Variants in C4orf50 observed in about 807,000 individuals in gnomAD.
C4orf50 encodes chromosome 4 open reading frame 50.
In C4orf50, 80 loss-of-function variants were observed where a neutral mutation model predicts 77.2. The ratio of observed to expected loss-of-function variants is 1.04; its 90% CI spans 0.87 to 1.25. The LOEUF is 1.25. Ranked by LOEUF, C4orf50 falls within the 50% of genes most tolerant of loss-of-function variation. C4orf50 has a pLI of 0.00. For synonymous variants in C4orf50, 532 were observed against 465.3 expected (o/e 1.14, Z -1.84); for missense variants, 1,257 against 1,152.9 (o/e 1.09, Z -1.31).
intron 32 of C4orf50, among the ~76,000 whole-genome samples, chr4:5,966,560 T>G (rs1370176082): frequency 6.6e-6 from 1 of 151,278 alleles, no homozygotes; most frequent in African/African-American, 2.4e-5. Context: ...CCACGGCAAA[T>G]GTTTTAGGTG....
intron 25 of C4orf50, among the ~76,000 whole-genome samples, chr4:6,005,243 G>T (rs1577994636): frequency 6.6e-6 from 1 of 152,204 alleles, no homozygotes; most frequent in South Asian, 2.1e-4. Flanking sequence ...GAGAGACCGA[G>T]GCAGAAGTGG....
chr4:6,012,356 CAT>C (rs1722527094), intron 23 of C4orf50, among the ~76,000 whole-genome samples: 2 of 152,244 alleles, frequency 1.3e-5, no homozygotes, highest in Middle Eastern at 3.4e-3. Context: ...TTACTTCACA[CAT>C]GAGGAAATAG....
At chr4:5,979,482 A>T (rs1720453824) in intron 29 of C4orf50, among the ~76,000 whole-genome samples, 2 of 152,254 alleles carry the variant, frequency 1.3e-5, no homozygotes, top group South Asian at 4.1e-4. Context: ...ACACATACAC[A>T]CACATTCAGA....
At chr4:5,967,924 G>A (rs994313710) in intron 31 of C4orf50, among the ~76,000 whole-genome samples, 11 of 152,220 alleles carry the variant, frequency 7.2e-5, no homozygotes, top group African/African-American at 1.9e-4. Flanking sequence ...GGGCAGGTGA[G>A]AAGTGAGATG....
intron 7 of C4orf50, among the ~76,000 whole-genome samples, chr4:5,913,998 G>A (rs1000410754): frequency 6.6e-6 from 1 of 152,064 alleles, no homozygotes; most frequent in Non-Finnish European, 1.5e-5. Context: ...AATAACAAGG[G>A]TTGAGAAAGG....
intron 33 of C4orf50, among the ~76,000 whole-genome samples, chr4:5,959,913 C>T (rs1719181689): frequency 6.6e-6 from 1 of 152,100 alleles, no homozygotes; most frequent in South Asian, 2.1e-4. Context: ...CAGTCATGAG[C>T]GGGCGTTCCT....
At chr4:5,956,203 A>G (rs1199559068), downstream of C4orf50, among the ~76,000 whole-genome samples, 1 of 152,192 alleles carries the variant, frequency 6.6e-6, no homozygotes, top group Non-Finnish European at 1.5e-5. Context: ...ACAGAAAGCC[A>G]GGTATCTCTA....
chr4:5,918,985 G>A (rs536730421), intron 7 of C4orf50, among the ~76,000 whole-genome samples: 1 of 152,080 alleles, frequency 6.6e-6, no homozygotes, highest in East Asian at 1.9e-4. Context: ...GCATTCCTCT[G>A]CACAGATGGG....
At chr4:5,931,532 G>A (rs1451032662) in intron 7 of C4orf50, among the ~76,000 whole-genome samples, 1 of 152,140 alleles carries the variant, frequency 6.6e-6, no homozygotes, top group African/African-American at 2.4e-5. Context: ...CAGCCCTGGC[G>A]AGGCTGAGCT....
intron 25 of C4orf50, among the ~76,000 whole-genome samples, chr4:6,002,321 T>G (rs982000663): frequency 1.1e-4 from 17 of 152,130 alleles, no homozygotes; most frequent in African/African-American, 3.9e-4. Flanking sequence ...CCCTAGAGCC[T>G]CAGGAGGAAG....
intron 31 of C4orf50, among the ~76,000 whole-genome samples, chr4:5,969,571 C>A (rs765720921): frequency 3.3e-5 from 5 of 151,976 alleles, no homozygotes; most frequent in Non-Finnish European, 7.4e-5. Context: ...AGGCCCCTGG[C>A]TGCTCCCAGG....
Position 5,900,931 on chromosome 4 carries a change from G to A in C4orf50, c.*2475-2743C>T, listed in dbSNP as rs116570047. 1.1e-3 allele frequency: 172 copies of A among 152,358 alleles called. No homozygotes were observed. The highest frequency in any genetic ancestry group is 3.8e-3 in the African/African-American group (160 of 41,582). 9.4% of individuals were successfully genotyped at this position (152,358 alleles called of 1,614,324 possible). ...ACACAGCCCATGTGTGTCACCCTCT[G>A]TATGTCACCATGTGTGTCACCATTT... On this transcript the variant is annotated intron_variant, in intron 7 of 7. Transcript: ENST00000324058. The surrounding 1 kb of genome is among the most constrained non-coding windows in gnomAD (Gnocchi z 4.3).
intron 33 of C4orf50, among the ~76,000 whole-genome samples, chr4:5,963,148 A>G (rs28737306): frequency 0.67 from 101,264 of 151,514 alleles, 34,620 homozygotes; most frequent in African/African-American, 0.74. Flanking sequence ...ACAGGCATGT[A>G]CCACCATACC....
At chr4:5,975,139 C>CAAAAAAAAAAAAAAAAAA (rs763836859) in intron 30 of C4orf50, among the ~76,000 whole-genome samples, 2 of 82,830 alleles carry the variant, frequency 2.4e-5, no homozygotes, top group Non-Finnish European at 4.8e-5. Context: ...CACTCCATCT[C>CAAAAAAAAAAAAAAAAAA]AAAAAAAAAA....
intron 7 of C4orf50, among the ~76,000 whole-genome samples, chr4:5,925,683 ACAGAAATGCC>A (rs1717483871): frequency 6.6e-6 from 1 of 152,254 alleles, no homozygotes; most frequent in Non-Finnish European, 1.5e-5. Context: ...CCCTGTGGTC[ACAGAAATGCC>A]CAGACATGGC....
intron 29 of C4orf50, among the ~76,000 whole-genome samples, chr4:5,976,696 AG>A (rs752551829): frequency 5.9e-5 from 9 of 152,360 alleles, no homozygotes; most frequent in Non-Finnish European, 1.2e-4. Flanking sequence ...GGGGGCTCAT[AG>A]GAGTGCCCAC....
At chr4:5,930,419 G>T (rs968654068) in intron 7 of C4orf50, among the ~76,000 whole-genome samples, 1 of 152,114 alleles carries the variant, frequency 6.6e-6, no homozygotes, top group Non-Finnish European at 1.5e-5. Flanking sequence ...CTACCTTCTG[G>T]TATTTGCTCA....
chr4:5,936,657 A>G (rs1185714766), intron 7 of C4orf50, among the ~76,000 whole-genome samples: 2 of 56,430 alleles, frequency 3.5e-5, no homozygotes, highest in African/African-American at 1.7e-4. Context: ...GAGTCAGTCT[A>G]AAACTTAACA....
At chr4:5,910,615 A>G (rs961869298) in intron 7 of C4orf50, among the ~76,000 whole-genome samples, 1 of 152,090 alleles carries the variant, frequency 6.6e-6, no homozygotes, top group Non-Finnish European at 1.5e-5. Flanking sequence ...TAATCACCCC[A>G]CTCGATCATG....
Sources: allele counts gnomAD v4.1 joint callset (sites outside exome capture counted in the v4.1 genomes callset), GRCh38; gene constraint gnomAD v4.1.1; non-coding constraint Gnocchi (gnomAD v3.1); transcripts MANE v1.5; gene names NCBI Gene and HGNC (gene_info 2026-07-23, HGNC 2026-07-21).